The following RBFOX1 variants were observed in gnomAD, a reference collection of about 807,000 sequenced individuals.
RBFOX1 encodes RNA binding protein fox-1 homolog 1.
In RBFOX1, 8 loss-of-function variants were observed where a neutral mutation model predicts 57.7. The ratio of observed to expected loss-of-function variants is 0.14; its 90% CI spans 0.08 to 0.25. The LOEUF (loss-of-function observed/expected upper bound fraction) is 0.25. Among genes scored for constraint, RBFOX1 ranks in the 10% least tolerant of loss-of-function variants. The pLI is 1.00. For synonymous variants in RBFOX1, 326 were observed against 222.4 expected, an observed-to-expected ratio of 1.47 and a Z score of -4.15; for missense variants, 611 against 548.5, an observed-to-expected ratio of 1.11 and a Z score of -1.14.
At chr16:5,578,709 G>C (rs1447029946) in intron 2 of RBFOX1, among the ~76,000 whole-genome samples, 1 of 152,062 alleles carries the variant, frequency 6.6e-6, no homozygotes, top group Non-Finnish European at 1.5e-5. Context: ...GAACTCCTCT[G>C]TGAAGTATCA....
intron 3 of RBFOX1, among the ~76,000 whole-genome samples, chr16:6,832,624 G>T (rs956580854): frequency 6.6e-6 from 1 of 152,124 alleles, no homozygotes; most frequent in Non-Finnish European, 1.5e-5. Flanking sequence ...TTACCTTTTT[G>T]TTGCTTCCTG....
chr16:5,369,640 C>A lies in RBFOX1; in HGVS notation c.220-97576C>A, dbSNP rs534655856. Among the ~76,000 whole-genome samples, 11 of 152,336 alleles carry A rather than the reference C, an allele frequency of 7.2e-5. No homozygotes were observed. In the South Asian group the frequency reaches 2.3e-3, roughly 32 times the overall value. On this transcript the variant is annotated intron_variant, in intron 1 of 2. Transcript: ENST00000585867. ...TGCCTCCTCTGCTATGCTGGGCAAA[C>A]TTGCTTCTGGGCTATTTATAAAAAC...
chr16:6,179,846 A>G (rs2097048528), intron 1 of RBFOX1, among the ~76,000 whole-genome samples: 1 of 152,224 alleles, frequency 6.6e-6, no homozygotes, highest in South Asian at 2.1e-4. Context: ...ATTTAGTGTG[A>G]TACCAGCTGT....
At chr16:7,564,540 CAAAAAA>C (rs5815409) in intron 5 of RBFOX1, among the ~76,000 whole-genome samples, 14 of 82,518 alleles carry the variant, frequency 1.7e-4, no homozygotes, top group African/African-American at 7.6e-4. Context: ...GACTCCATCT[CAAAAAA>C]AAAAAAAAAA....
chr16:6,920,840 C>G (rs1022094879), intron 3 of RBFOX1, among the ~76,000 whole-genome samples: 2 of 152,196 alleles, frequency 1.3e-5, no homozygotes, highest in African/African-American at 2.4e-5. Flanking sequence ...AGATCCTTAA[C>G]TTAGTTACAC....
chr16:5,765,686 G>A (rs547379006), intron 3 of RBFOX1, among the ~76,000 whole-genome samples: 3 of 152,124 alleles, frequency 2.0e-5, no homozygotes, highest in Admixed American at 1.3e-4. Context: ...GTATGGACTC[G>A]CCCCAAGGGA....
At chr16:7,319,133 A>G (rs1352418065) in intron 4 of RBFOX1, among the ~76,000 whole-genome samples, 1 of 151,774 alleles carries the variant, frequency 6.6e-6, no homozygotes, top group Admixed American at 6.6e-5. Flanking sequence ...CCTTTGTTCT[A>G]TTTTGGTCCT....
At chr16:7,539,708 A>G (rs963955449) in intron 5 of RBFOX1, among the ~76,000 whole-genome samples, 1 of 152,168 alleles carries the variant, frequency 6.6e-6, no homozygotes, top group Non-Finnish European at 1.5e-5. Flanking sequence ...AGAGTAGTCT[A>G]TTGCTTGGCG....
intron 3 of RBFOX1, among the ~76,000 whole-genome samples, chr16:6,749,283 A>G (rs372041574): frequency 2.0e-5 from 3 of 152,156 alleles, no homozygotes; most frequent in Non-Finnish European, 4.4e-5. Flanking sequence ...AAAGTCAGTA[A>G]TGACATCAAC....
At chr16:7,090,626 T>C (rs917809331) in intron 4 of RBFOX1, among the ~76,000 whole-genome samples, 1 of 152,316 alleles carries the variant, frequency 6.6e-6, no homozygotes, top group East Asian at 1.9e-4. Context: ...AAAATAAATT[T>C]TGTAGTTTTC....
intron 3 of RBFOX1, among the ~76,000 whole-genome samples, chr16:6,804,297 C>A (rs1410562168): frequency 2.0e-5 from 3 of 152,038 alleles, no homozygotes; most frequent in Admixed American, 2.0e-4. Context: ...CATGAGCCAC[C>A]CAGCCCTGCC....
intron 3 of RBFOX1, among the ~76,000 whole-genome samples, chr16:6,895,538 A>C (rs2153391054): frequency 6.8e-6 from 1 of 146,618 alleles, no homozygotes; most frequent in East Asian, 2.0e-4. Flanking sequence ...GACCTCTACA[A>C]GGCAGCTGCA....
At chr16:7,122,214 T>C (rs2067345388) in intron 4 of RBFOX1, among the ~76,000 whole-genome samples, 3 of 152,032 alleles carry the variant, frequency 2.0e-5, no homozygotes, top group Non-Finnish European at 4.4e-5. Context: ...AGAAAGAAAA[T>C]ACAAGAATCT....
intron 14 of RBFOX1, among the ~76,000 whole-genome samples, chr16:7,689,189 A>G (rs920498173): frequency 6.6e-6 from 1 of 152,168 alleles, no homozygotes; most frequent in Non-Finnish European, 1.5e-5. Flanking sequence ...AGCCGTTGCA[A>G]TCAACATTCC....
intron 4 of RBFOX1, among the ~76,000 whole-genome samples, chr16:7,080,787 G>T (rs747647742): frequency 6.6e-6 from 1 of 152,094 alleles, no homozygotes. Flanking sequence ...CATTCATTGC[G>T]TGGAAGACCA....
intron 4 of RBFOX1, among the ~76,000 whole-genome samples, chr16:7,369,500 C>A (rs904511042): frequency 1.3e-5 from 2 of 152,154 alleles, no homozygotes; most frequent in Non-Finnish European, 2.9e-5. Flanking sequence ...TAACTCCCTG[C>A]ATTTGCATTC....
At chr16:5,731,664 G>A (rs1240167833) in intron 3 of RBFOX1, among the ~76,000 whole-genome samples, 3 of 152,154 alleles carry the variant, frequency 2.0e-5, no homozygotes, top group Non-Finnish European at 2.9e-5. Context: ...AAAAGGGAGA[G>A]CTATTAAGTC....
At chr16:5,633,642 G>A (rs1203356178) in intron 3 of RBFOX1, among the ~76,000 whole-genome samples, 1 of 152,132 alleles carries the variant, frequency 6.6e-6, no homozygotes, top group Non-Finnish European at 1.5e-5. Flanking sequence ...GGGAGGTCGA[G>A]GTGGGTGGCT....
chr16:6,923,712 G>A (rs1245652407), intron 3 of RBFOX1, among the ~76,000 whole-genome samples: 2 of 152,052 alleles, frequency 1.3e-5, no homozygotes, highest in Admixed American at 1.3e-4. Context: ...AGCCTTTAAA[G>A]CAGTAGAAGG....
Sources: allele counts gnomAD v4.1 joint callset (sites outside exome capture counted in the v4.1 genomes callset), GRCh38; gene constraint gnomAD v4.1.1; transcripts MANE v1.5; gene names NCBI Gene and HGNC (gene_info 2026-07-23, HGNC 2026-07-21).